The following RILPL2 variants were observed in gnomAD, a reference collection of about 807,000 sequenced individuals.
RILPL2 encodes RILP-like protein 2.
A neutral mutation model predicts 22.2 loss-of-function variants in RILPL2; 19 were observed. The observed-to-expected ratio is 0.86, with a 90% CI of 0.60 to 1.25. RILPL2 has a LOEUF of 1.25. Ranked by LOEUF, RILPL2 falls within the 50% of genes most tolerant of loss-of-function variation. The pLI is 0.00. For missense variants in RILPL2, 243 were observed against 263.6 expected (o/e 0.92, Z 0.54); for synonymous variants, 123 against 111.6 (o/e 1.10, Z -0.64).
At chr12:123,419,605 T>C (rs1271754249) in intron 3 of RILPL2, among the ~76,000 whole-genome samples, 2 of 144,388 alleles carry the variant, frequency 1.4e-5, no homozygotes, top group Non-Finnish European at 3.0e-5. Context: ...CTCCCTTTTT[T>C]CTTTTTTTTT....
chr12:123,418,220 GC>G (rs1241650340), intron 3 of RILPL2, among the ~76,000 whole-genome samples: 1 of 152,222 alleles, frequency 6.6e-6, no homozygotes, highest in African/African-American at 2.4e-5. Context: ...ACAGGCATGA[GC>G]CACTGCTCCT....
chr12:123,422,911 A>G, intron 3 of RILPL2, 133 bp downstream of exon 3: 1 of 655,886 alleles, frequency 1.5e-6, no homozygotes, highest in Non-Finnish European at 2.7e-6. Context: ...GAGTTTTCCC[A>G]TGGGCTGCAG....
chr12:123,411,763 A>T (rs1878983114), downstream of RILPL2: 1 of 150,832 alleles, frequency 6.6e-6, no homozygotes, highest in Non-Finnish European at 1.5e-5. Flanking sequence ...TGACCTTGTG[A>T]TCCACCCACC....
Position 123,436,166 on chromosome 12 carries a change from C to T in RILPL2, c.255G>A (p.Ala85=), listed in dbSNP as rs766238692. 7 of 1,608,774 alleles carry T rather than the reference C, an allele frequency of 4.4e-6. No homozygotes were observed. In the South Asian group the frequency reaches 7.8e-5, roughly 18 times the overall value. The part of the protein sequence containing the change: ...LEALVNEGSL[A]LEELKMERDH... ...CCCTCTCCATCTTCAGCTCCTCCAG[C>T]GCCAGGCTGCCCTCATTCACCAGCG... Residue 85 remains alanine, a synonymous_variant, in exon 1 of 4, where the codon GCG becomes GCA. Transcript: ENST00000280571. This position sits in a 1 kb window ranked among gnomAD's most constrained non-coding sequence, Gnocchi z 6.7.
chr12:123,427,918 T>A (rs1210143654), intron 2 of RILPL2, among the ~76,000 whole-genome samples: 1 of 152,168 alleles, frequency 6.6e-6, no homozygotes, highest in African/African-American at 2.4e-5. Flanking sequence ...TATGAGAACA[T>A]CTCAGCTGGC....
rs1879095828 is a variant in RILPL2 at position 123,415,632 on chromosome 12, C to T, written c.*259G>A. The T allele has an allele frequency of 3.5e-6, 2 of 571,752 alleles. No homozygotes were observed. Among genetic ancestry groups the T allele is most frequent in the African/African-American group, 1.9e-5 (1 of 53,496 alleles). The allele number at this position is 571,752 out of a possible 1,614,324, so 35.4% of individuals were successfully genotyped here. On this transcript the variant is annotated 3_prime_UTR_variant, in exon 4 of 4. Transcript: ENST00000280571. ...TGACATGGGAGCAGGAAGTGGACCCCCCCACCCTGCACATCCCTTCTGTTT... is the reference window on the plus strand; with the variant it reads ...TGACATGGGAGCAGGAAGTGGACCCTCCCACCCTGCACATCCCTTCTGTTT...
chr12:123,419,833 G>A (rs1449124645), intron 3 of RILPL2, among the ~76,000 whole-genome samples: 1 of 150,662 alleles, frequency 6.6e-6, no homozygotes, highest in East Asian at 1.9e-4. Flanking sequence ...TCATTCTGTC[G>A]CCCAGGCTGG....
intron 3 of RILPL2, 143 bp from the exon 4 acceptor site, chr12:123,416,064 ATCC>A (rs1369282384): frequency 1.2e-6 from 1 of 843,490 alleles, no homozygotes; most frequent in Non-Finnish European, 2.0e-6. Context: ...CACGCCTGTA[ATCC>A]TATGATTTTG....
intron 3 of RILPL2, among the ~76,000 whole-genome samples, chr12:123,421,737 G>A (rs1448370523): frequency 2.8e-5 from 4 of 144,092 alleles, no homozygotes; most frequent in South Asian, 2.2e-4. Flanking sequence ...GCACAATCTC[G>A]GCTCACTGCA....
rs1052607871 is a variant in RILPL2, at chr12:123,436,584, C to G, written c.-164G>C. 7 of 1,167,776 alleles carry G rather than the reference C, an allele frequency of 6.0e-6. No individual in the cohort carries two copies. In the African/African-American group the frequency reaches 9.3e-5, roughly 16 times the overall value. The allele number at this position is 1,167,776 out of a possible 1,614,324, so 72.3% of individuals were successfully genotyped here. ...GGGATGGTGCAAGGGGCCGCGCACG[C>G]GACTCTTGGGCCTGCGCCCCGGCGC... is the stretch of plus-strand genomic sequence containing the variant. On this transcript the variant is annotated 5_prime_UTR_variant, in exon 1 of 4. Transcript: ENST00000280571. This position sits in a 1 kb window ranked among gnomAD's most constrained non-coding sequence, Gnocchi z 6.7.
chr12:123,430,175 C>T (rs1376219443), intron 2 of RILPL2, among the ~76,000 whole-genome samples: 1 of 146,206 alleles, frequency 6.8e-6, no homozygotes, highest in Non-Finnish European at 1.5e-5. Context: ...TTTGGGAGGC[C>T]AAGGTGGGCA....
chr12:123,418,359 T>C (rs1308680856), intron 3 of RILPL2, among the ~76,000 whole-genome samples: 1 of 152,200 alleles, frequency 6.6e-6, no homozygotes, highest in African/African-American at 2.4e-5. Flanking sequence ...ACTGCTGTGA[T>C]AAAAGATAAC....
rs1308215954 is a variant in RILPL2 at position 123,415,875 on chromosome 12, A to G, written c.*16T>C. 6.2e-7 allele frequency: 1 copy of G among 1,613,776 alleles called. No individual in the cohort carries two copies. The highest frequency in any genetic ancestry group is 2.2e-5 in the East Asian group (1 of 44,896). ...CTTCTAGAATCAGAGCCATAGCCTT[A>G]CTTGTGGCCTTGGATCTAGGTCTGT... On this transcript the variant is annotated 3_prime_UTR_variant, in exon 4 of 4. Coordinates refer to ENST00000280571, the MANE Select transcript of RILPL2 (RefSeq NM_145058.3).
rs1037780666 is a variant in RILPL2 at position 123,435,946 on chromosome 12, A to G, written c.339+136T>C. 7 of 1,287,204 alleles carry G rather than the reference A, an allele frequency of 5.4e-6. No homozygotes were observed. In the African/African-American group the frequency reaches 1.0e-4, roughly 19 times the overall value. The allele number at this position is 1,287,204 out of a possible 1,614,324, so 79.7% of individuals were successfully genotyped here. A position where few individuals can be genotyped will look rare whatever the true frequency, so the allele number is the denominator to read the frequency against. On this transcript the variant is annotated intron_variant, in intron 1 of 3. Coordinates refer to ENST00000280571, the MANE Select transcript of RILPL2 (RefSeq NM_145058.3). ...AGTTTGAGACCAGCCTGGGCAACAC[A>G]GCGAGATCCCATCTCTTAAAAAAAG... is the stretch of plus-strand genomic sequence containing the variant.
At chr12:123,431,681 C>T (rs1027564901) in intron 1 of RILPL2, among the ~76,000 whole-genome samples, 1 of 151,582 alleles carries the variant, frequency 6.6e-6, no homozygotes, top group African/African-American at 2.4e-5. Context: ...AAAAAGTTAG[C>T]CAGGCGTGGT....
intron 3 of RILPL2, among the ~76,000 whole-genome samples, chr12:123,421,639 C>T (rs1246672666): frequency 2.0e-5 from 3 of 151,612 alleles, no homozygotes; most frequent in Non-Finnish European, 2.9e-5. Context: ...TCCTCAAGGT[C>T]CTGTCCCTGA....
intron 1 of RILPL2, among the ~76,000 whole-genome samples, chr12:123,431,917 C>CA (rs1879663062): frequency 6.6e-6 from 1 of 151,010 alleles, no homozygotes; most frequent in Non-Finnish European, 1.5e-5. Flanking sequence ...TCTTTTGAGA[C>CA]AGAGTCTTGC....
chr12:123,427,867 ATT>A (rs1260806150), intron 2 of RILPL2, among the ~76,000 whole-genome samples: 1 of 151,990 alleles, frequency 6.6e-6, no homozygotes, highest in African/African-American at 2.4e-5. Flanking sequence ...TTATCAGTAT[ATT>A]ATCTGTGTGA....
chr12:123,423,676 C>T (rs1283101050), intron 2 of RILPL2, among the ~76,000 whole-genome samples: 2 of 142,332 alleles, frequency 1.4e-5, no homozygotes, highest in Admixed American at 7.0e-5. Context: ...TTTTTTGAGA[C>T]GGATTCTCGC....
Sources: allele counts gnomAD v4.1 joint callset (sites outside exome capture counted in the v4.1 genomes callset), GRCh38; gene constraint gnomAD v4.1.1; non-coding constraint Gnocchi (gnomAD v3.1); transcripts MANE v1.5; gene names NCBI Gene and HGNC (gene_info 2026-07-23, HGNC 2026-07-21).